TRAPPC10: variants seen among roughly 807,000 people sequenced by gnomAD.
TRAPPC10 encodes trafficking protein particle complex subunit 10.
In TRAPPC10, 23 loss-of-function variants were observed where a neutral mutation model predicts 125.5. The observed-to-expected ratio is 0.18, with a 90% CI of 0.13 to 0.26. The LOEUF (loss-of-function observed/expected upper bound fraction) is 0.26. Ranked by LOEUF, TRAPPC10 falls within the 10% of genes least tolerant of loss-of-function variation. The probability of loss-of-function intolerance (pLI) is 1.00; values close to 1 mark genes in which losing one functional copy is unlikely to be tolerated. For synonymous variants in TRAPPC10, 509 were observed against 518.0 expected, an observed-to-expected ratio of 0.98 and a Z score of 0.24; for missense variants, 1,123 against 1,308.4, an observed-to-expected ratio of 0.86 and a Z score of 2.19.
chr21:44,053,476 A>G (rs2035365179), intron 4 of TRAPPC10, among the ~76,000 whole-genome samples: 1 of 152,200 alleles, frequency 6.6e-6, no homozygotes, highest in Non-Finnish European at 1.5e-5. Flanking sequence ...AGTTATTTAT[A>G]CATTCTGCTG....
chr21:44,045,201 T>C (rs181623902), intron 3 of TRAPPC10, among the ~76,000 whole-genome samples: 1,603 of 152,042 alleles, frequency 0.011, 31 homozygotes, highest in African/African-American at 0.037. Context: ...CCAAAGTGCT[T>C]GGATTACAGG....
At chr21:44,084,039 G>T in intron 14 of TRAPPC10, 83 bp from the exon 15 acceptor site, 1 of 1,534,404 alleles carries the variant, frequency 6.5e-7, no homozygotes, top group Non-Finnish European at 8.9e-7. Flanking sequence ...GGAGTTCAGA[G>T]AGACCGCTGC....
chr21:44,039,604 C>A (rs758715462), intron 3 of TRAPPC10, among the ~76,000 whole-genome samples: 1 of 152,182 alleles, frequency 6.6e-6, no homozygotes, highest in African/African-American at 2.4e-5. Context: ...TGGTGGCTCA[C>A]GCTTGTAATC....
At chr21:44,094,300 A>G in intron 20 of TRAPPC10, 67 bp downstream of exon 20, 1 of 1,429,464 alleles carries the variant, frequency 7.0e-7, no homozygotes, top group Non-Finnish European at 9.7e-7. Flanking sequence ...GTTCTTTATA[A>G]TCTGAAGAAC....
At chr21:44,034,752 A>G (rs2033862326) in intron 2 of TRAPPC10, among the ~76,000 whole-genome samples, 1 of 152,210 alleles carries the variant, frequency 6.6e-6, no homozygotes, top group African/African-American at 2.4e-5. Context: ...CCTGAATCCA[A>G]TGACAAGTGT....
intron 9 of TRAPPC10, among the ~76,000 whole-genome samples, chr21:44,075,681 T>G (rs1270041064): frequency 3.9e-5 from 6 of 152,180 alleles, no homozygotes; most frequent in Non-Finnish European, 7.4e-5. Context: ...AGATGGAGTC[T>G]CGCTGTATTG....
chr21:44,036,828 T>G (rs1349115541), intron 2 of TRAPPC10, among the ~76,000 whole-genome samples: 3 of 152,210 alleles, frequency 2.0e-5, no homozygotes, highest in African/African-American at 7.2e-5. Context: ...GGAGATAGAC[T>G]TTAACTTTAG....
Position 44,018,626 on chromosome 21 carries a change from G to A in TRAPPC10, c.67+6066G>A, listed in dbSNP as rs146313227. On this transcript the variant is annotated intron_variant, in intron 1 of 22. Coordinates refer to ENST00000291574, the MANE Select transcript of TRAPPC10 (RefSeq NM_003274.5). ...AGGCAGGAGAATTGCTTGAATCTGG[G>A]AGGCGGAGGTTGCAGTGAGCCGAGA... 2.9e-3 allele frequency among the ~76,000 whole-genome samples: 438 copies of A among 151,812 alleles called. 4 individuals are homozygous for A. The highest frequency in any genetic ancestry group is 9.9e-3 in the African/African-American group (410 of 41,364).
chr21:44,049,767 T>C (rs1390861810), intron 3 of TRAPPC10, among the ~76,000 whole-genome samples: 1 of 152,234 alleles, frequency 6.6e-6, no homozygotes, highest in African/African-American at 2.4e-5. Context: ...TGGCTGCTGC[T>C]GCCTCTGTCT....
intron 1 of TRAPPC10, among the ~76,000 whole-genome samples, chr21:44,015,603 T>G (rs1417871134): frequency 1.3e-5 from 2 of 148,190 alleles, no homozygotes; most frequent in Admixed American, 6.8e-5. Flanking sequence ...ATTTTGAAGC[T>G]CTCCAAATTT....
Position 44,087,111 on chromosome 21 carries a change from G to T in TRAPPC10, c.2539+151G>T. On this transcript the variant is annotated intron_variant, in intron 16 of 22. Coordinates refer to ENST00000291574, the MANE Select transcript of TRAPPC10 (RefSeq NM_003274.5). This position sits in a 1 kb window ranked among gnomAD's most constrained non-coding sequence, Gnocchi z 4.6. ...TTCCATAGGAGCCCTGCGGCCTGAT[G>T]CCTGTGCTGGGGTCCCATCTGAGGT... The T allele has an allele frequency of 1.2e-6, 1 of 861,054 alleles. No homozygotes were observed. The highest frequency in any genetic ancestry group is 1.7e-5 in the South Asian group (1 of 57,810). 53.3% of individuals were successfully genotyped at this position (861,054 alleles called of 1,614,324 possible). A position where few individuals can be genotyped will look rare whatever the true frequency, so the allele number is the denominator to read the frequency against.
chr21:44,040,637 A>G (rs985728572), intron 3 of TRAPPC10, among the ~76,000 whole-genome samples: 5 of 150,676 alleles, frequency 3.3e-5, no homozygotes, highest in Admixed American at 6.6e-5. Flanking sequence ...GGTGCCTTAC[A>G]GGGTCTCGCT....
At chr21:44,074,263 T>C in intron 7 of TRAPPC10, 61 bp from the exon 8 acceptor site, 2 of 1,602,646 alleles carry the variant, frequency 1.2e-6, no homozygotes, top group Admixed American at 3.4e-5. Context: ...AGCATGTGGG[T>C]TTGTTCAAGC....
chr21:44,088,683 TAGCTC>T (rs1376333141), intron 17 of TRAPPC10: 14 of 155,628 alleles, frequency 9.0e-5, no homozygotes, highest in South Asian at 7.2e-4. Context: ...AGGTGGCGCT[TAGCTC>T]AGCAGGAGCG....
rs567425309 is a variant in TRAPPC10 at position 44,063,042 on chromosome 21, C to G, written c.791-496C>G. 62 of 1,304,308 alleles carry G rather than the reference C, an allele frequency of 4.8e-5. No individual in the cohort carries two copies. The African/African-American group carries it at 8.6e-4, about 18-fold the overall frequency. The allele number at this position is 1,304,308 out of a possible 1,614,324, so 80.8% of individuals were successfully genotyped here. A position where few individuals can be genotyped will look rare whatever the true frequency, so the allele number is the denominator to read the frequency against. ...GTGCTGCTACCAAGTCCTCCCTGTCCCTTCCTCCAGGAGCTTGACTCAGGG... is the reference window on the plus strand; with the variant it reads ...GTGCTGCTACCAAGTCCTCCCTGTCGCTTCCTCCAGGAGCTTGACTCAGGG... On this transcript the variant is annotated intron_variant, in intron 6 of 22. Coordinates refer to ENST00000291574, the MANE Select transcript of TRAPPC10 (RefSeq NM_003274.5). The surrounding 1 kb of genome is among the most constrained non-coding windows in gnomAD (Gnocchi z 4.4).
intron 1 of TRAPPC10, among the ~76,000 whole-genome samples, chr21:44,015,741 A>G (rs2147110662): frequency 6.6e-6 from 1 of 152,010 alleles, no homozygotes; most frequent in African/African-American, 2.4e-5. Flanking sequence ...CAGCCTCCCA[A>G]GTAGCTGGGA....
intron 6 of TRAPPC10, chr21:44,062,745 A>T: frequency 5.1e-6 from 5 of 985,390 alleles, no homozygotes; most frequent in Non-Finnish European, 6.0e-6. Context: ...ACACCACACC[A>T]CTATGCGCTC....
At chr21:44,033,685 A>G (rs1421918621) in intron 2 of TRAPPC10, among the ~76,000 whole-genome samples, 1 of 152,062 alleles carries the variant, frequency 6.6e-6, no homozygotes, top group East Asian at 1.9e-4. Context: ...ACATAGTGAA[A>G]CCCCTGTCTC....
rs370304335 is a variant in TRAPPC10, at chr21:44,055,118, CAG to C, written c.483-577_483-576del. On this transcript the variant is annotated intron_variant, in intron 4 of 22. Transcript: ENST00000291574. Reference sequence around the variant, plus strand: ...TGATCACATTATTTTACAGAGGACTCAGAGCTGCGTCTTTGGCTCAGGGCTCA... The same window carrying C: ...TGATCACATTATTTTACAGAGGACTCAGCTGCGTCTTTGGCTCAGGGCTCA... 5.1e-3 allele frequency among the ~76,000 whole-genome samples: 779 copies of C among 152,284 alleles called. 4 individuals carry two copies. Among genetic ancestry groups the C allele is most frequent in the African/African-American group, 0.018 (751 of 41,560 alleles).
Sources: gnomAD v4.1 joint callset for allele counts (sites outside exome capture counted in the v4.1 genomes callset) on GRCh38, gnomAD v4.1.1 for gene constraint, Gnocchi (gnomAD v3.1) non-coding constraint, MANE v1.5 for transcripts, NCBI Gene and HGNC (gene_info 2026-07-23, HGNC 2026-07-21) for gene names.